TEP1: variants seen among roughly 807,000 people sequenced by gnomAD.
TEP1 encodes telomerase protein component 1.
A neutral mutation model predicts 306.3 loss-of-function variants in TEP1; 241 were observed. That is an observed-to-expected ratio of 0.79 (90% CI 0.71 to 0.88). The LOEUF is 0.88. TEP1 is among the 40% of genes least tolerant of loss of function. The pLI is 0.00. For synonymous variants in TEP1, 1,289 were observed against 1,305.5 expected, an observed-to-expected ratio of 0.99 and a Z score of 0.27; for missense variants, 3,051 against 3,276.1, an observed-to-expected ratio of 0.93 and a Z score of 1.68.
chr14:20,395,822 G>A (rs1451641308), intron 11 of TEP1, 37 bp downstream of exon 11: 2 of 1,589,394 alleles, frequency 1.3e-6, no homozygotes, highest in Non-Finnish European at 1.7e-6. Context: ...TGTCAGATGT[G>A]GGAGGCAAAG....
intron 17 of TEP1, among the ~76,000 whole-genome samples, chr14:20,388,965 T>C (rs1877458763): frequency 6.6e-6 from 1 of 152,058 alleles, no homozygotes; most frequent in African/African-American, 2.4e-5. Context: ...CTGACCAACA[T>C]GGTGAAACCC....
Position 20,380,054 on chromosome 14 carries a change from C to T in TEP1, c.5004-1G>A, listed in dbSNP as rs771553761. ...GGAAACTGCCAGAGACAGGCTGGAG[C>T]TAGAGAAAGAGTAGGAAGAAAGGGA... is the stretch of plus-strand genomic sequence containing the variant. On this transcript the variant is annotated splice_acceptor_variant, in intron 34 of 54. Coordinates refer to ENST00000262715, the MANE Select transcript of TEP1 (RefSeq NM_007110.5). LOFTEE classifies it high-confidence loss of function. 8 of 1,608,488 alleles carry T rather than the reference C, an allele frequency of 5.0e-6. No individual in the cohort carries two copies. In the African/African-American group the frequency reaches 1.1e-4, roughly 22 times the overall value.
At chr14:20,398,299 A>C (rs1003985050) in intron 9 of TEP1, among the ~76,000 whole-genome samples, 1 of 150,324 alleles carries the variant, frequency 6.7e-6, no homozygotes, top group Non-Finnish European at 1.5e-5. Flanking sequence ...AATCACTTGA[A>C]CCTGGGAGGC....
At position 20,385,031 on chromosome 14, in the gene TEP1, G is replaced by A. The variant is rs1217639589; in HGVS notation, c.3061C>T (p.Pro1021Ser). 6.2e-7 allele frequency: 1 copy of A among 1,614,102 alleles called. No homozygotes were observed. The highest frequency in any genetic ancestry group is 8.5e-7 in the Non-Finnish European group (1 of 1,180,044). ...AAGTAGATGAGAGCTTGGGCAGAGG[G>A]CTGCAGACGTTGGTTCCGGTTCAGG... ...QFLNRNQRLQ[P>S]SAQALIYFRD... Residue 1021 changes from proline to serine, a missense_variant, in exon 21 of 55, where the codon CCC becomes TCC. Pro to Ser is a moderately conservative substitution (Grantham distance 74). Around this residue, in one of 3 missense-constraint regions of TEP1, gnomAD observed 1,507 missense variants for 1,550.5 expected, o/e 0.97. Transcript: ENST00000262715.
Position 20,368,797 on chromosome 14 carries a change from C to CACACACACT in TEP1, c.7761_7761+1insAGTGTGTGT (p.Leu2587_Leu2588insSerValCys). ...ACACACACACACACACACACACTTA[C>CACACACACT]CAGCTGCATACTGGGTCTCTCCCAT... On this transcript the variant is annotated inframe_insertion and splice_region_variant. Transcript: ENST00000262715. 6.2e-7 allele frequency: 1 copy of CACACACACT among 1,603,044 alleles called. No homozygotes were observed. Among genetic ancestry groups the CACACACACT allele is most frequent in the Middle Eastern group, 1.7e-4 (1 of 5,874 alleles).
chr14:20,408,557 C>G, intron 1 of TEP1, 94 bp from the exon 2 acceptor site: 1 of 982,990 alleles, frequency 1.0e-6, no homozygotes, highest in Non-Finnish European at 1.5e-6. Flanking sequence ...CCTGATAATG[C>G]CAATGATTTG....
chr14:20,377,901 C>T (rs1464438735), intron 39 of TEP1, 123 bp downstream of exon 39: 9 of 1,461,580 alleles, frequency 6.2e-6, no homozygotes, highest in Admixed American at 1.8e-5. Context: ...CCCCTCTCCC[C>T]GTGGTTCCTG....
In TEP1 at chr14:20,371,102, A is replaced by G. The variant is rs549869900; in HGVS notation, c.7317+116T>C. ...GAACTGCTCCAGTTGAAGGAGGATA[A>G]GAGGATTTGCAGCCAACTGCCTTTC... On this transcript the variant is annotated intron_variant, in intron 51 of 54. Transcript: ENST00000262715. 6 of 818,840 alleles carry G rather than the reference A, an allele frequency of 7.3e-6. No homozygotes were observed. The Admixed American group carries it at 1.0e-4, about 14-fold the overall frequency. 50.7% of individuals were successfully genotyped at this position (818,840 alleles called of 1,614,324 possible).
chr14:20,370,907 TG>T lies in TEP1; in HGVS notation c.7317+310del, dbSNP rs374241012. ...GATGACAAAAACAAGATGGAGTCCT[TG>T]CCCTCAAGATGCTATTATTCATAGG... On this transcript the variant is annotated intron_variant, in intron 51 of 54. Coordinates refer to ENST00000262715, the MANE Select transcript of TEP1 (RefSeq NM_007110.5). Among the ~76,000 whole-genome samples the T allele has an allele frequency of 2.0e-3, 310 of 152,324 alleles. 2 individuals are homozygous for T. The highest frequency in any genetic ancestry group is 3.8e-3 in the Non-Finnish European group (261 of 68,026).
rs74655993 is a variant in TEP1 at position 20,402,446 on chromosome 14, C to T, written c.1267-865G>A. ...ACTGAGAAAGCGTTTTTTCTTATAA[C>T]GCTAATATATATTTTCCTAATCATC... is the stretch of plus-strand genomic sequence containing the variant. On this transcript the variant is annotated intron_variant, in intron 7 of 54. Coordinates refer to ENST00000262715, the MANE Select transcript of TEP1 (RefSeq NM_007110.5). 1.8e-3 allele frequency among the ~76,000 whole-genome samples: 280 copies of T among 152,190 alleles called. 1 individual carries two copies. The highest frequency in any genetic ancestry group is 6.3e-3 in the African/African-American group (260 of 41,534).
At chr14:20,370,327 C>T (rs1018491527) in intron 51 of TEP1, among the ~76,000 whole-genome samples, 6 of 152,222 alleles carry the variant, frequency 3.9e-5, no homozygotes, top group African/African-American at 7.2e-5. Context: ...GAAAATTGCC[C>T]TTATGTCCCT....
intron 10 of TEP1, 81 bp from the exon 11 acceptor site, chr14:20,396,030 G>T: frequency 9.7e-7 from 1 of 1,029,438 alleles, no homozygotes; most frequent in Non-Finnish European, 1.5e-6. Flanking sequence ...TATTAGCTTT[G>T]TGGGAAGGTA....
intron 10 of TEP1, among the ~76,000 whole-genome samples, chr14:20,396,383 A>C (rs2139143043): frequency 6.6e-6 from 1 of 152,376 alleles, no homozygotes; most frequent in Non-Finnish European, 1.5e-5. Context: ...TGAGCTCAGA[A>C]AATTAAAATG....
At chr14:20,386,296 A>G (rs1342931608) in intron 19 of TEP1, 101 bp from the exon 20 acceptor site, 1 of 1,596,212 alleles carries the variant, frequency 6.3e-7, no homozygotes, top group Non-Finnish European at 8.5e-7. Flanking sequence ...GCAACTGAGT[A>G]AAGAAAAGGT....
At chr14:20,395,997 T>A (rs773671482) in intron 10 of TEP1, 48 bp from the exon 11 acceptor site, 4 of 1,498,100 alleles carry the variant, frequency 2.7e-6, no homozygotes. Flanking sequence ...GCCGGGAGTA[T>A]GGGGGGCTTC....
In TEP1 at chr14:20,381,821, G is replaced by T; in HGVS notation, c.4424+92C>A. On this transcript the variant is annotated intron_variant, in intron 30 of 54. Transcript: ENST00000262715. The surrounding 1 kb of genome is among the most constrained non-coding windows in gnomAD (Gnocchi z 4.0). The stretch of plus-strand genomic sequence containing the variant: ...TGGAGCAGTAGCTCATTCATGGTCT[G>T]GGAGCCAGTTGTTGAAGCTATACAG... 1 of 1,551,978 alleles carries T rather than the reference G, an allele frequency of 6.4e-7. No individual in the cohort carries two copies.
Position 20,383,827 on chromosome 14 carries a change from C to T in TEP1, c.3626G>A (p.Gly1209Asp), listed in dbSNP as rs1290647531. ...FHFSGARPDQGLALTLLRRLC... is the reference protein window; with the variant it reads ...FHFSGARPDQDLALTLLRRLC... ...GCGTCTGAGCAGAGTGAGGGCAAGA[C>T]CCTGGTCAGGACGAGCCCCAGAAAA... is the stretch of plus-strand genomic sequence containing the variant. Residue 1209 changes from glycine to aspartate, a missense_variant, in exon 25 of 55, where the codon GGT (glycine) becomes GAT (aspartate). Physicochemically the swap from Gly to Asp is moderately conservative, Grantham distance 94. Around this residue, in one of 3 missense-constraint regions of TEP1, gnomAD observed 1,507 missense variants for 1,550.5 expected, o/e 0.97. Transcript: ENST00000262715. 3 of 1,608,210 alleles carry T rather than the reference C, an allele frequency of 1.9e-6. No homozygotes were observed. The highest frequency in any genetic ancestry group is 1.1e-5 in the South Asian group (1 of 90,560).
rs777444391 is a variant in TEP1 at position 20,404,748 on chromosome 14, G to A, written c.895C>T (p.Leu299=). ...LKASLYARQQ[L]NVRNVANNIL... ...TTATTGGCCACATTCCGGACGTTCAGCTGCTGCCTGGCATACAAAGATGCC... is the reference window on the plus strand; with the variant it reads ...TTATTGGCCACATTCCGGACGTTCAACTGCTGCCTGGCATACAAAGATGCC... Residue 299 remains leucine (L), a synonymous_variant, in exon 5 of 55, where the codon CTG becomes TTG. Coordinates refer to ENST00000262715, the MANE Select transcript of TEP1 (RefSeq NM_007110.5). 3.7e-6 allele frequency: 6 copies of A among 1,612,146 alleles called. No homozygotes were observed. Among genetic ancestry groups the A allele is most frequent in the Non-Finnish European group, 5.1e-6 (6 of 1,178,894 alleles).
intron 35 of TEP1, among the ~76,000 whole-genome samples, chr14:20,379,659 C>A (rs1156496993): frequency 6.6e-6 from 1 of 152,216 alleles, no homozygotes; most frequent in Non-Finnish European, 1.5e-5. Context: ...TATGTCTTAT[C>A]TCCCAACAAA....
Sources: allele counts gnomAD v4.1 joint callset (sites outside exome capture counted in the v4.1 genomes callset), GRCh38; gene constraint gnomAD v4.1.1; regional missense constraint gnomAD v4.1.1; non-coding constraint Gnocchi (gnomAD v3.1); transcripts MANE v1.5; gene names NCBI Gene and HGNC (gene_info 2026-07-23, HGNC 2026-07-21).